PARD3: variants seen among roughly 807,000 people sequenced by gnomAD.
The protein encoded by PARD3 is par-3 family cell polarity regulator, also known as partitioning defective 3 homolog.
Under a neutral mutation model 155.4 loss-of-function variants are expected in PARD3, and 75 were observed. The observed-to-expected ratio is 0.48, with a 90% CI of 0.40 to 0.58. The LOEUF is 0.58. Among genes scored for constraint, PARD3 ranks in the 20% least tolerant of loss-of-function variants. PARD3 has a pLI of 0.00. For synonymous variants in PARD3, 576 were observed against 610.5 expected (o/e 0.94, Z 0.83); for missense variants, 1,642 against 1,721.7 (o/e 0.95, Z 0.82).
At chr10:34,786,412 T>C (rs1253163926) in intron 1 of PARD3, among the ~76,000 whole-genome samples, 1 of 152,134 alleles carries the variant, frequency 6.6e-6, no homozygotes, top group East Asian at 1.9e-4. Context: ...AACAAAGAAA[T>C]ATATCCCACT....
chr10:34,260,727 T>C (rs917930734), intron 22 of PARD3, among the ~76,000 whole-genome samples: 2 of 152,216 alleles, frequency 1.3e-5, no homozygotes, highest in Admixed American at 6.5e-5. Context: ...CTTTCTCACA[T>C]TTCAAGAAAA....
At chr10:34,587,524 G>T (rs1259998742) in intron 2 of PARD3, among the ~76,000 whole-genome samples, 1 of 152,092 alleles carries the variant, frequency 6.6e-6, no homozygotes, top group African/African-American at 2.4e-5. Flanking sequence ...CTACCTCAAG[G>T]ACAAAGGAGA....
At chr10:34,628,919 T>C (rs368618929) in intron 2 of PARD3, among the ~76,000 whole-genome samples, 2 of 152,108 alleles carry the variant, frequency 1.3e-5, no homozygotes, top group African/African-American at 4.8e-5. Flanking sequence ...GACATGAAAA[T>C]TCCCTACATC....
intron 7 of PARD3, among the ~76,000 whole-genome samples, chr10:34,395,474 C>A (rs1296533100): frequency 2.6e-5 from 4 of 152,060 alleles, no homozygotes; most frequent in East Asian, 1.9e-4. Flanking sequence ...AGTAATGAAA[C>A]CGTGAACGAA....
In PARD3 at chr10:34,126,818, G is replaced by GAAA. The variant is rs550942430; in HGVS notation, c.3540+4642_3540+4644dup. On this transcript the variant is annotated intron_variant, in intron 23 of 24. Transcript: ENST00000374788. ...AGCAAGATCTCAGTTTCTTGAAAAT[G>GAAA]AAAAAAAAAAAAAAAAGAAAAGGTC... 7.1e-3 allele frequency among the ~76,000 whole-genome samples: 519 copies of GAAA among 73,374 alleles called. 4 individuals are homozygous for GAAA. The highest frequency in any genetic ancestry group is 0.023 in the African/African-American group (489 of 21,330). The allele number at this position is 73,374 out of a possible 152,430, so 48.1% of individuals were successfully genotyped here.
intron 18 of PARD3, among the ~76,000 whole-genome samples, chr10:34,335,178 C>T (rs940783248): frequency 1.3e-5 from 2 of 151,894 alleles, no homozygotes; most frequent in Non-Finnish European, 2.9e-5. Context: ...GATAAGGCTA[C>T]GGTTAACTGC....
intron 22 of PARD3, among the ~76,000 whole-genome samples, chr10:34,200,136 G>A (rs1338056106): frequency 6.6e-6 from 1 of 152,156 alleles, no homozygotes; most frequent in Non-Finnish European, 1.5e-5. Flanking sequence ...GTTATGTTAA[G>A]TGGCTTCAAT....
chr10:34,134,236 G>C (rs1045364462), intron 22 of PARD3, among the ~76,000 whole-genome samples: 2 of 152,172 alleles, frequency 1.3e-5, no homozygotes, highest in Non-Finnish European at 2.9e-5. Flanking sequence ...AGACAAAAGA[G>C]ACAGGAAAGT....
At chr10:34,801,943 A>G (rs1842870638) in intron 1 of PARD3, among the ~76,000 whole-genome samples, 1 of 152,316 alleles carries the variant, frequency 6.6e-6, no homozygotes, top group East Asian at 1.9e-4. Context: ...CCTTTAAAAC[A>G]TCTCTGCATT....
At chr10:34,473,680 C>A (rs951338257) in intron 3 of PARD3, among the ~76,000 whole-genome samples, 5 of 152,210 alleles carry the variant, frequency 3.3e-5, no homozygotes, top group Non-Finnish European at 7.3e-5. Context: ...TTCCATCAAA[C>A]ACACTCACCA....
chr10:34,438,663 A>C (rs1324219897), intron 5 of PARD3, among the ~76,000 whole-genome samples: 1 of 152,206 alleles, frequency 6.6e-6, no homozygotes, highest in Admixed American at 6.5e-5. Context: ...AGCTATAGTA[A>C]ACAAGACAAT....
In PARD3 at chr10:34,451,436, G is replaced by A. The variant is rs535178846; in HGVS notation, c.583-988C>T. Among the ~76,000 whole-genome samples, 18 of 152,244 alleles carry A rather than the reference G, an allele frequency of 1.2e-4. No homozygotes were observed. The South Asian group carries it at 3.3e-3, about 28-fold the overall frequency. ...ATCTGGCTATAAGTATTACATGTGT[G>A]ATTGATACTTACTCTTCATGTGCTA... On this transcript the variant is annotated intron_variant, in intron 4 of 24. Transcript: ENST00000374788.
At chr10:34,610,932 T>C (rs1236215641) in intron 2 of PARD3, among the ~76,000 whole-genome samples, 1 of 152,180 alleles carries the variant, frequency 6.6e-6, no homozygotes, top group East Asian at 1.9e-4. Context: ...TTTTCAGCTC[T>C]TAATGATTTT....
intron 1 of PARD3, among the ~76,000 whole-genome samples, chr10:34,784,125 T>C (rs1014471265): frequency 6.6e-5 from 10 of 151,954 alleles, no homozygotes; most frequent in Non-Finnish European, 1.2e-4. Context: ...GCAGGAGGAT[T>C]GCTAGAGCTG....
At chr10:34,700,875 A>G (rs1031751884) in intron 1 of PARD3, among the ~76,000 whole-genome samples, 4 of 152,054 alleles carry the variant, frequency 2.6e-5, no homozygotes, top group Admixed American at 6.6e-5. Context: ...TTTCTCCTGT[A>G]GTCCCAGGAG....
chr10:34,639,514 CT>C (rs2092599809), intron 2 of PARD3, among the ~76,000 whole-genome samples: 1 of 152,204 alleles, frequency 6.6e-6, no homozygotes, highest in Non-Finnish European at 1.5e-5. Flanking sequence ...CAAATCTCAG[CT>C]TTACCACTCA....
intron 20 of PARD3, among the ~76,000 whole-genome samples, chr10:34,310,210 G>A (rs983608339): frequency 6.6e-6 from 1 of 152,136 alleles, no homozygotes; most frequent in Non-Finnish European, 1.5e-5. Flanking sequence ...ACAAGTAAAA[G>A]CATTCACAAG....
intron 19 of PARD3, among the ~76,000 whole-genome samples, chr10:34,320,485 T>C (rs1195551046): frequency 6.6e-6 from 1 of 152,174 alleles, no homozygotes; most frequent in African/African-American, 2.4e-5. Flanking sequence ...AATGGAACTA[T>C]CAGTAGCGAT....
chr10:34,334,285 T>C (rs560445132), intron 18 of PARD3, among the ~76,000 whole-genome samples: 38 of 140,194 alleles, frequency 2.7e-4, no homozygotes, highest in African/African-American at 9.7e-4. Context: ...AAGAGGGAAA[T>C]CATAATCATA....
Sources: gnomAD v4.1 joint callset for allele counts (sites outside exome capture counted in the v4.1 genomes callset) on GRCh38, gnomAD v4.1.1 for gene constraint, MANE v1.5 for transcripts, NCBI Gene and HGNC (gene_info 2026-07-23, HGNC 2026-07-21) for gene names.